Variants in FSTL4 observed in about 807,000 individuals in gnomAD.
FSTL4 encodes the protein follistatin-related protein 4.
In FSTL4, 28 loss-of-function variants were observed where a neutral mutation model predicts 78.2. The observed-to-expected ratio is 0.36, with a 90% CI of 0.27 to 0.49. The LOEUF (loss-of-function observed/expected upper bound fraction) is 0.49. FSTL4 is among the 20% of genes least tolerant of loss of function. The pLI is 0.98. For missense variants in FSTL4, 922 were observed against 1,084.9 expected (o/e 0.85, Z 2.11); for synonymous variants, 422 against 440.5 (o/e 0.96, Z 0.53).
At chr5:133,559,237 T>C (rs1159075394) in intron 3 of FSTL4, among the ~76,000 whole-genome samples, 2 of 152,256 alleles carry the variant, frequency 1.3e-5, no homozygotes, top group African/African-American at 4.8e-5. Context: ...GGATAGCACA[T>C]TAATATGCTG....
chr5:133,205,358 A>C (rs779467353), intron 14 of FSTL4, among the ~76,000 whole-genome samples: 9 of 150,764 alleles, frequency 6.0e-5, no homozygotes, highest in Non-Finnish European at 8.8e-5. Context: ...ATTTAGACAC[A>C]TTCCTGGATT....
intron 7 of FSTL4, chr5:133,246,483 T>C (rs1250947037): frequency 6.6e-6 from 1 of 152,278 alleles, no homozygotes; most frequent in Non-Finnish European, 1.5e-5. Flanking sequence ...TTGGTACACT[T>C]CAGCCTGAAA....
At chr5:133,217,512 G>T in intron 12 of FSTL4, 134 bp from the exon 13 acceptor site, 1 of 765,476 alleles carries the variant, frequency 1.3e-6, no homozygotes, top group South Asian at 2.0e-5. Context: ...ATAGAACAGG[G>T]CACCCAAGCC....
chr5:133,674,585 A>ATGTGTG, the FSTL4 span, among the ~76,000 whole-genome samples: 11 of 149,922 alleles, frequency 7.3e-5, no homozygotes, highest in Non-Finnish European at 1.5e-4. Context: ...AGACTTCCAT[A>ATGTGTG]TGTGTGTGTG....
rs563801534 is a variant in FSTL4, at chr5:133,441,611, C to A, written c.161-40625G>T. ...GGCAAGCAAGTGATAGACAGGGCTA[C>A]TGAACCCCGGAAAAGTCCAGGGAAA... On this transcript the variant is annotated intron_variant, in intron 3 of 15. Coordinates refer to ENST00000265342, the MANE Select transcript of FSTL4 (RefSeq NM_015082.2). Among the ~76,000 whole-genome samples, 290 of 152,302 alleles carry A rather than the reference C, an allele frequency of 1.9e-3. 1 individual carries two copies. Among genetic ancestry groups the A allele is most frequent in the Non-Finnish European group, 3.8e-3 (256 of 68,032 alleles).
chr5:133,686,476 G>T, the FSTL4 span, among the ~76,000 whole-genome samples: 1 of 152,190 alleles, frequency 6.6e-6, no homozygotes, highest in African/African-American at 2.4e-5. Flanking sequence ...CCCATCCTTT[G>T]GATAGTTCAT....
chr5:133,513,393 G>GA (rs1758778748), intron 3 of FSTL4, among the ~76,000 whole-genome samples: 1 of 152,166 alleles, frequency 6.6e-6, no homozygotes, highest in Non-Finnish European at 1.5e-5. Context: ...GGACAAGCAG[G>GA]AATACATGAA....
chr5:133,544,475 C>G (rs1193471713), intron 3 of FSTL4, among the ~76,000 whole-genome samples: 2 of 152,150 alleles, frequency 1.3e-5, no homozygotes, highest in Admixed American at 6.6e-5. Context: ...TGGACTAGAA[C>G]AGTAAAACAA....
chr5:133,811,642 T>G, the FSTL4 span, among the ~76,000 whole-genome samples: 1 of 152,200 alleles, frequency 6.6e-6, no homozygotes, highest in Non-Finnish European at 1.5e-5. Flanking sequence ...TGGTTTGGCT[T>G]CTGTACTTTT....
intron 3 of FSTL4, among the ~76,000 whole-genome samples, chr5:133,489,621 T>C (rs193064468): frequency 8.5e-5 from 13 of 152,266 alleles, no homozygotes; most frequent in African/African-American, 3.1e-4. Context: ...CAATGCCAGT[T>C]CTGGTGGAGG....
chr5:133,750,596 G>A, the FSTL4 span, among the ~76,000 whole-genome samples: 556 of 152,212 alleles, frequency 3.7e-3, 1 homozygote, highest in African/African-American at 0.012. Context: ...AGAGAGGAGC[G>A]CGAGGGAAAA....
the FSTL4 span, among the ~76,000 whole-genome samples, chr5:133,629,568 C>A: frequency 2.0e-5 from 3 of 152,282 alleles, no homozygotes; most frequent in South Asian, 4.1e-4. Flanking sequence ...ACCAGAGGTA[C>A]AAAGAGGAGC....
rs1477120149 is a variant in FSTL4 at position 133,389,271 on chromosome 5, AC to A, written c.409+11466del. On this transcript the variant is annotated intron_variant, in intron 4 of 15. Coordinates refer to ENST00000265342, the MANE Select transcript of FSTL4 (RefSeq NM_015082.2). ...GTTCAGACAGGTCTGTTCAGGCTTC[AC>A]CTCTGTTTACTCTCACTGCAGCCCA... 3.9e-5 allele frequency among the ~76,000 whole-genome samples: 6 copies of A among 152,236 alleles called. No homozygotes were observed. The East Asian group carries it at 1.2e-3, about 29-fold the overall frequency.
At chr5:133,826,096 C>A in the FSTL4 span, among the ~76,000 whole-genome samples, 6 of 152,196 alleles carry the variant, frequency 3.9e-5, no homozygotes, top group Non-Finnish European at 8.8e-5. Context: ...AAAGTACATG[C>A]AGCATCAGGT....
chr5:133,516,266 G>C (rs758116029), intron 3 of FSTL4, among the ~76,000 whole-genome samples: 1 of 151,986 alleles, frequency 6.6e-6, no homozygotes, highest in Non-Finnish European at 1.5e-5. Context: ...TTGAAAAGAA[G>C]AGGAGAAAAT....
chr5:133,638,266 C>T, the FSTL4 span, among the ~76,000 whole-genome samples: 1 of 152,116 alleles, frequency 6.6e-6, no homozygotes, highest in South Asian at 2.1e-4. Context: ...CCGGAGCTCC[C>T]TTCTTCCCCT....
At chr5:133,787,863 C>G in the FSTL4 span, among the ~76,000 whole-genome samples, 1 of 152,234 alleles carries the variant, frequency 6.6e-6, no homozygotes, top group South Asian at 2.1e-4. Flanking sequence ...TTCTACCTGC[C>G]AATCTCACGC....
chr5:133,725,418 T>C, the FSTL4 span, among the ~76,000 whole-genome samples: 1 of 152,052 alleles, frequency 6.6e-6, no homozygotes, highest in Non-Finnish European at 1.5e-5. Context: ...TAAATAACAG[T>C]TCTACACAGA....
intron 2 of FSTL4, among the ~76,000 whole-genome samples, chr5:133,590,491 G>C (rs535811718): frequency 2.0e-4 from 30 of 152,282 alleles, no homozygotes; most frequent in African/African-American, 7.0e-4. Context: ...TTTGCTTGCT[G>C]GATTTGGCAG....
Sources: allele counts gnomAD v4.1 joint callset (sites outside exome capture counted in the v4.1 genomes callset), GRCh38; gene constraint gnomAD v4.1.1; transcripts MANE v1.5; gene names NCBI Gene and HGNC (gene_info 2026-07-23, HGNC 2026-07-21).